Variants in DMXL1 observed in about 807,000 individuals in gnomAD.
The protein encoded by DMXL1 is dmX-like protein 1.
A neutral mutation model predicts 319.2 loss-of-function variants in DMXL1; 99 were observed. The observed-to-expected ratio is 0.31, with a 90% CI of 0.26 to 0.37. The LOEUF (loss-of-function observed/expected upper bound fraction) is 0.37, where lower values mean the gene tolerates loss of function less well. DMXL1 is among the 10% of genes least tolerant of loss of function. The pLI is 1.00. For synonymous variants in DMXL1, 1,385 were observed against 1,235.2 expected (o/e 1.12, Z -2.54); for missense variants, 3,745 against 3,595.6 (o/e 1.04, Z -1.06).
At chr5:119,129,638 G>C (rs775228429) in intron 10 of DMXL1, among the ~76,000 whole-genome samples, 1 of 152,088 alleles carries the variant, frequency 6.6e-6, no homozygotes, top group Non-Finnish European at 1.5e-5. Context: ...TCATTCTTCT[G>C]GTTTTGTTAG....
intron 32 of DMXL1, among the ~76,000 whole-genome samples, chr5:119,203,026 CAT>C (rs992757096): frequency 4.0e-5 from 6 of 150,936 alleles, no homozygotes; most frequent in Non-Finnish European, 7.4e-5. Context: ...AATCTGAAAA[CAT>C]ATGAAATTCA....
At chr5:119,107,263 C>T (rs1758563623) in intron 4 of DMXL1, among the ~76,000 whole-genome samples, 1 of 151,852 alleles carries the variant, frequency 6.6e-6, no homozygotes, top group African/African-American at 2.4e-5. Flanking sequence ...CTTGTTTGAG[C>T]CCAGGAGGTT....
intron 39 of DMXL1, among the ~76,000 whole-genome samples, chr5:119,235,866 T>C (rs542239433): frequency 7.9e-5 from 12 of 152,096 alleles, no homozygotes; most frequent in Non-Finnish European, 1.6e-4. Context: ...TCAAATTTGC[T>C]AGCAAAATAA....
At chr5:119,183,718 T>TA (rs1021604397) in intron 28 of DMXL1, among the ~76,000 whole-genome samples, 1 of 152,100 alleles carries the variant, frequency 6.6e-6, no homozygotes. Context: ...CCTGGCCTCC[T>TA]AAAGTGCTTG....
intron 16 of DMXL1, 51 bp from the exon 17 acceptor site, chr5:119,147,198 T>C (rs1768760321): frequency 4.0e-6 from 6 of 1,484,946 alleles, no homozygotes; most frequent in Non-Finnish European, 5.6e-6. Context: ...AATCGTAATA[T>C]TTATAGGGTT....
intron 27 of DMXL1, among the ~76,000 whole-genome samples, chr5:119,177,769 G>C (rs1422184195): frequency 2.6e-5 from 4 of 151,892 alleles, no homozygotes; most frequent in Non-Finnish European, 5.9e-5. Flanking sequence ...TGACATCTTA[G>C]TCATGAAAGA....
intron 34 of DMXL1, among the ~76,000 whole-genome samples, chr5:119,208,086 A>G (rs1581332559): frequency 1.3e-5 from 2 of 152,162 alleles, no homozygotes; most frequent in Middle Eastern, 6.8e-3. Flanking sequence ...TGTCATTCAT[A>G]CTTTCAAACT....
chr5:119,245,469 T>C (rs1029622402), intron 43 of DMXL1, among the ~76,000 whole-genome samples: 2 of 152,136 alleles, frequency 1.3e-5, no homozygotes, highest in Non-Finnish European at 2.9e-5. Flanking sequence ...AGAATTATTT[T>C]CCTTCAGTTT....
chr5:119,098,901 A>C (rs972690130), intron 2 of DMXL1, among the ~76,000 whole-genome samples: 1 of 152,220 alleles, frequency 6.6e-6, no homozygotes, highest in African/African-American at 2.4e-5. Context: ...TTAAGAGTCC[A>C]TGGACCCAAT....
At chr5:119,200,907 T>C (rs1780583694) in intron 32 of DMXL1, among the ~76,000 whole-genome samples, 1 of 152,202 alleles carries the variant, frequency 6.6e-6, no homozygotes, top group Non-Finnish European at 1.5e-5. Context: ...TGATTTCTTG[T>C]ACACTGATTT....
intron 28 of DMXL1, among the ~76,000 whole-genome samples, chr5:119,186,559 A>T (rs958407214): frequency 2.0e-5 from 3 of 152,244 alleles, no homozygotes; most frequent in African/African-American, 7.2e-5. Flanking sequence ...ATTTTAAATG[A>T]TAAACTGAAA....
chr5:119,201,868 A>G (rs1375345591), intron 32 of DMXL1, among the ~76,000 whole-genome samples: 1 of 152,134 alleles, frequency 6.6e-6, no homozygotes, highest in Non-Finnish European at 1.5e-5. Flanking sequence ...AGGTGTCCAT[A>G]GTAGTTTCTG....
chr5:119,183,509 G>A lies in DMXL1; in HGVS notation c.7135+5265G>A, dbSNP rs145322714. Among the ~76,000 whole-genome samples the A allele has an allele frequency of 5.6e-3, 852 of 152,240 alleles. 9 individuals are homozygous for A. The highest frequency in any genetic ancestry group is 0.02 in the African/African-American group (818 of 41,530). On this transcript the variant is annotated intron_variant, in intron 28 of 43. Coordinates refer to ENST00000539542, the MANE Select transcript of DMXL1 (RefSeq NM_001290321.3). ...TCTTTGTGAGGCAGAGACTCGTACC[G>A]TCGCCCAGGCTGGAGTGCAGTGGCG...
At position 119,071,445 on chromosome 5, in the gene DMXL1, T is replaced by C. The variant is rs1749530783; in HGVS notation, c.-125T>C. On this transcript the variant is annotated 5_prime_UTR_variant, in exon 1 of 44. Coordinates refer to ENST00000539542, the MANE Select transcript of DMXL1 (RefSeq NM_001290321.3). ...CTGAGCGGCTCCGGCTCCAGGCGCC[T>C]GTCGCTGCTTCTGCCGTCGCCACCG... 3 of 945,450 alleles carry C rather than the reference T, an allele frequency of 3.2e-6. No individual in the cohort carries two copies. The South Asian group carries it at 4.3e-5, about 13-fold the overall frequency. 58.6% of individuals were successfully genotyped at this position (945,450 alleles called of 1,614,324 possible).
At chr5:119,132,037 A>G (rs755322235) in intron 10 of DMXL1, among the ~76,000 whole-genome samples, 5 of 152,246 alleles carry the variant, frequency 3.3e-5, no homozygotes, top group Admixed American at 3.3e-4. Context: ...GGCATATTGT[A>G]CAATACTTAA....
chr5:119,175,241 A>G lies in DMXL1; in HGVS notation c.6682-20A>G, dbSNP rs1775576798. The G allele has an allele frequency of 6.3e-7, 1 of 1,592,568 alleles. No individual in the cohort carries two copies. The highest frequency in any genetic ancestry group is 8.6e-7 in the Non-Finnish European group (1 of 1,168,240). On this transcript the variant is annotated intron_variant, in intron 25 of 43. Transcript: ENST00000539542. Reference sequence around the variant, plus strand: ...CTTTAAAAAGGTTATACTTAAAGTAATTTTGTTTTTGTTTTCCAGGTGTAT... The same window carrying G: ...CTTTAAAAAGGTTATACTTAAAGTAGTTTTGTTTTTGTTTTCCAGGTGTAT...
At chr5:119,239,967 A>AC (rs1274766685) in intron 41 of DMXL1, among the ~76,000 whole-genome samples, 2 of 151,172 alleles carry the variant, frequency 1.3e-5, no homozygotes, top group Non-Finnish European at 2.9e-5. Flanking sequence ...CTCAAAAAAA[A>AC]AAAAAAACAA....
chr5:119,162,325 G>T (rs796545886), intron 19 of DMXL1, among the ~76,000 whole-genome samples: 6 of 152,280 alleles, frequency 3.9e-5, no homozygotes, highest in African/African-American at 1.4e-4. Context: ...TTGTGCAGGG[G>T]TGTCTGTCTT....
chr5:119,125,289 A>T (rs1005527766), intron 9 of DMXL1, among the ~76,000 whole-genome samples: 1 of 152,198 alleles, frequency 6.6e-6, no homozygotes, highest in Admixed American at 6.5e-5. Context: ...GCATAAATAG[A>T]AAAAGATTGA....
Sources: allele counts gnomAD v4.1 joint callset (sites outside exome capture counted in the v4.1 genomes callset), GRCh38; gene constraint gnomAD v4.1.1; transcripts MANE v1.5; gene names NCBI Gene and HGNC (gene_info 2026-07-23, HGNC 2026-07-21).